Variants in SSBP2 observed in about 807,000 individuals in gnomAD.
SSBP2 encodes the protein single stranded DNA binding protein 2, also known as single-stranded DNA-binding protein 2.
SSBP2 carries 17 observed loss-of-function variants against 61.8 expected under a neutral mutation model. The observed-to-expected ratio is 0.28, with a 90% CI of 0.19 to 0.41. The LOEUF is 0.41. SSBP2 is among the 10% of genes least tolerant of loss of function. SSBP2 has a pLI of 1.00. For missense variants in SSBP2, 310 were observed against 458.7 expected (o/e 0.68, Z 2.96); for synonymous variants, 139 against 141.3 (o/e 0.98, Z 0.12).
rs114411956 is a variant in SSBP2, at chr5:81,672,709, T to C, written c.63-22370A>G. Among the ~76,000 whole-genome samples, 1,517 of 151,912 alleles carry C rather than the reference T, an allele frequency of 1.0e-2. 10 individuals carry two copies. Among genetic ancestry groups the C allele is most frequent in the Middle Eastern group, 0.021 (6 of 290 alleles). ...GCCTCGGCATCCTGTGTAGCTGGGA[T>C]TGCAGGTGCCTGCCACCACATCCAG... On this transcript the variant is annotated intron_variant, in intron 1 of 16. Coordinates refer to ENST00000320672, the MANE Select transcript of SSBP2 (RefSeq NM_012446.5).
At chr5:81,555,594 G>A (rs1772531291) in intron 4 of SSBP2, among the ~76,000 whole-genome samples, 1 of 151,900 alleles carries the variant, frequency 6.6e-6, no homozygotes, top group African/African-American at 2.4e-5. Context: ...CTTCTATGTT[G>A]TCACCCTGGT....
rs1014738318 is a variant in SSBP2 at position 81,641,927 on chromosome 5, A to G, written c.136-5309T>C. On this transcript the variant is annotated intron_variant, in intron 2 of 16. Coordinates refer to ENST00000320672, the MANE Select transcript of SSBP2 (RefSeq NM_012446.5). ...TATAGCATAAAACCTTTCTGCTTGG[A>G]AAAAAAAAAGTATGTATACATACAT... 6.7e-5 allele frequency among the ~76,000 whole-genome samples: 10 copies of G among 149,708 alleles called. 1 individual carries two copies. The highest frequency in any genetic ancestry group is 4.9e-5 in the African/African-American group (2 of 40,404).
chr5:81,743,973 G>A (rs1175671712), intron 1 of SSBP2, among the ~76,000 whole-genome samples: 1 of 152,174 alleles, frequency 6.6e-6, no homozygotes, highest in Non-Finnish European at 1.5e-5. Flanking sequence ...TTTTAAACCT[G>A]ATCAATTAAG....
At chr5:81,687,682 C>G (rs1752917494) in intron 1 of SSBP2, among the ~76,000 whole-genome samples, 1 of 152,138 alleles carries the variant, frequency 6.6e-6, no homozygotes, top group Non-Finnish European at 1.5e-5. Context: ...GGATAGGGCA[C>G]CAGGCAGAGT....
rs572679208 is a variant in SSBP2, at chr5:81,454,866, A to T, written c.688-6041T>A. On this transcript the variant is annotated intron_variant, in intron 10 of 16. Transcript: ENST00000320672. ...GCAGAATCTGAAGAAATTTGAATCT[A>T]ATGGTCTCTTCTTCTCCTCTGTAAA... 5.9e-5 allele frequency among the ~76,000 whole-genome samples: 9 copies of T among 152,254 alleles called. No individual in the cohort carries two copies. In the South Asian group the frequency reaches 1.9e-3, roughly 32 times the overall value.
At chr5:81,718,405 G>C (rs117573720) in intron 1 of SSBP2, among the ~76,000 whole-genome samples, 2 of 152,156 alleles carry the variant, frequency 1.3e-5, no homozygotes, top group Non-Finnish European at 2.9e-5. Flanking sequence ...AGAAAACAGA[G>C]AAAGATCTAG....
chr5:81,502,278 C>T (rs1767855101), intron 5 of SSBP2, among the ~76,000 whole-genome samples: 1 of 152,130 alleles, frequency 6.6e-6, no homozygotes, highest in Admixed American at 6.5e-5. Flanking sequence ...GCTGATCATT[C>T]TTCTCCTCCT....
Position 81,605,301 on chromosome 5 carries a change from TA to T in SSBP2, c.282+10171del, listed in dbSNP as rs576030660. Among the ~76,000 whole-genome samples the T allele has an allele frequency of 2.0e-5, 3 of 152,264 alleles. No individual in the cohort carries two copies. The East Asian group carries it at 5.8e-4, about 29-fold the overall frequency. ...TTTCTAGAAATATTTAATGACATGA[TA>T]AATTATTCCTTCTTTAGATTTCTAA... On this transcript the variant is annotated intron_variant, in intron 4 of 16. Transcript: ENST00000320672.
chr5:81,432,178 C>T (rs762589797), intron 15 of SSBP2, among the ~76,000 whole-genome samples: 2 of 152,098 alleles, frequency 1.3e-5, no homozygotes, highest in Non-Finnish European at 2.9e-5. Context: ...TCCCAGTGGG[C>T]ACAAATGAGC....
chr5:81,463,423 G>T (rs955469471), intron 9 of SSBP2, among the ~76,000 whole-genome samples: 1 of 152,190 alleles, frequency 6.6e-6, no homozygotes, highest in African/African-American at 2.4e-5. Flanking sequence ...AGAGAGGCTG[G>T]ACATGATAGT....
At chr5:81,583,721 A>G (rs866068637) in intron 4 of SSBP2, among the ~76,000 whole-genome samples, 12 of 152,082 alleles carry the variant, frequency 7.9e-5, no homozygotes, top group Admixed American at 1.3e-4. Context: ...CAACTAGAAT[A>G]TTTTAGATCA....
At chr5:81,521,687 G>T (rs1277997842) in intron 4 of SSBP2, among the ~76,000 whole-genome samples, 1 of 151,802 alleles carries the variant, frequency 6.6e-6, no homozygotes, top group African/African-American at 2.4e-5. Context: ...TCTAGGTATT[G>T]GTCTCTTTAA....
At chr5:81,702,060 A>G (rs1754020937) in intron 1 of SSBP2, among the ~76,000 whole-genome samples, 1 of 152,170 alleles carries the variant, frequency 6.6e-6, no homozygotes, top group African/African-American at 2.4e-5. Context: ...AGAAATCACT[A>G]TTGTAATTTT....
At chr5:81,521,086 A>T (rs1201700838) in intron 4 of SSBP2, among the ~76,000 whole-genome samples, 2 of 152,074 alleles carry the variant, frequency 1.3e-5, no homozygotes, top group Non-Finnish European at 2.9e-5. Flanking sequence ...AAAAGTTTCT[A>T]AAATGCATCT....
Position 81,586,626 on chromosome 5 carries a change from C to CAA in SSBP2, c.282+28845_282+28846dup, listed in dbSNP as rs35214821. The stretch of plus-strand genomic sequence containing the variant: ...ATCTTCAGAGTCTAACTGCAGTATG[C>CAA]AAAAAAAAAAAAAAAAAGAGTAAAT... On this transcript the variant is annotated intron_variant, in intron 4 of 16. Transcript: ENST00000320672. Among the ~76,000 whole-genome samples the CAA allele has an allele frequency of 4.6e-3, 529 of 114,182 alleles. 10 individuals are homozygous for CAA. Among genetic ancestry groups the CAA allele is most frequent in the East Asian group, 0.012 (52 of 4,330 alleles). 74.9% of individuals were successfully genotyped at this position (114,182 alleles called of 152,430 possible). A position where few individuals can be genotyped will look rare whatever the true frequency, so the allele number is the denominator to read the frequency against.
chr5:81,496,900 T>C (rs1767329556), intron 5 of SSBP2, among the ~76,000 whole-genome samples: 1 of 152,226 alleles, frequency 6.6e-6, no homozygotes, highest in Admixed American at 6.5e-5. Flanking sequence ...GTATGGTACA[T>C]AAATAAATTG....
At chr5:81,537,390 A>ACT (rs1352193874) in intron 4 of SSBP2, among the ~76,000 whole-genome samples, 4 of 152,112 alleles carry the variant, frequency 2.6e-5, no homozygotes, top group African/African-American at 9.7e-5. Context: ...GGCATCCTTA[A>ACT]CTCTAGAAAG....
chr5:81,601,843 A>G (rs926255304), intron 4 of SSBP2, among the ~76,000 whole-genome samples: 2 of 152,104 alleles, frequency 1.3e-5, no homozygotes, highest in Admixed American at 6.5e-5. Context: ...ATTCCTCTCA[A>G]TCTGAAGACC....
chr5:81,479,731 C>T (rs146031396), intron 6 of SSBP2, among the ~76,000 whole-genome samples: 3,395 of 152,156 alleles, frequency 0.022, 47 homozygotes, highest in Middle Eastern at 0.082. Flanking sequence ...TGTGCTAAGT[C>T]CTTAGTATTT....
Sources: allele counts gnomAD v4.1 joint callset (sites outside exome capture counted in the v4.1 genomes callset), GRCh38; gene constraint gnomAD v4.1.1; transcripts MANE v1.5; gene names NCBI Gene and HGNC (gene_info 2026-07-23, HGNC 2026-07-21).